ANKRD61: variants seen among roughly 807,000 people sequenced by gnomAD.
ANKRD61 encodes ankyrin repeat domain 61.
Under a neutral mutation model 8.4 loss-of-function variants are expected in ANKRD61, and 7 were observed. The ratio of observed to expected loss-of-function variants is 0.84; its 90% CI spans 0.48 to 1.57. ANKRD61 has a LOEUF of 1.57. ANKRD61 is among the 40% of genes most tolerant of loss of function. The pLI is 0.00. For synonymous variants in ANKRD61, 198 were observed against 208.0 expected (o/e 0.95, Z 0.41); for missense variants, 516 against 523.4 (o/e 0.99, Z 0.14).
In ANKRD61 at chr7:6,031,441, T is replaced by C; in HGVS notation, c.66T>C (p.Asp22=). The C allele has an allele frequency of 1.3e-6, 2 of 1,550,782 alleles. No homozygotes were observed. Among genetic ancestry groups the C allele is most frequent in the South Asian group, 1.2e-5 (1 of 84,062 alleles). Residue 22 remains aspartate, a synonymous_variant, in exon 1 of 3, where the codon GAT becomes GAC. Transcript: ENST00000409061. ...LVVDSAKSLE[D]GPSAALHSKL... ...TTGACAGTGCCAAGTCCCTGGAAGA[T>C]GGCCCATCTGCAGCACTTCACTCGA...
At position 6,033,712 on chromosome 7, in the gene ANKRD61, G is replaced by A. The variant is rs1473325988; in HGVS notation, c.314+776G>A. ...AGCCTCCCAAGTAGCTGGGACTACA[G>A]GCGCCTGCCACCACGCCTGGCTAAT... On this transcript the variant is annotated intron_variant, in intron 2 of 2. Coordinates refer to ENST00000409061, the MANE Select transcript of ANKRD61 (RefSeq NM_001271700.2). The surrounding 1 kb of genome is among the most constrained non-coding windows in gnomAD (Gnocchi z 4.4). Among the ~76,000 whole-genome samples the A allele has an allele frequency of 2.0e-5, 3 of 152,090 alleles. No individual in the cohort carries two copies. Among genetic ancestry groups the A allele is most frequent in the Non-Finnish European group, 4.4e-5 (3 of 68,018 alleles).
intron 1 of ANKRD61, 78 bp downstream of exon 1, chr7:6,031,669 C>T: frequency 7.1e-7 from 1 of 1,414,596 alleles, no homozygotes; most frequent in Non-Finnish European, 9.7e-7. Flanking sequence ...AGCTGGTGAA[C>T]CCACTAAGCT....
Position 6,033,459 on chromosome 7 carries a change from T to C in ANKRD61, c.314+523T>C, listed in dbSNP as rs1787975052. ...AAATATTTTGCCAAATTAATGCACA[T>C]TCTGAGGATTAAGAGCTCAATGGTG... On this transcript the variant is annotated intron_variant, in intron 2 of 2. Transcript: ENST00000409061. The surrounding 1 kb of genome is among the most constrained non-coding windows in gnomAD (Gnocchi z 4.4). 6.6e-6 allele frequency among the ~76,000 whole-genome samples: 1 copy of C among 152,192 alleles called. No homozygotes were observed. The highest frequency in any genetic ancestry group is 2.4e-5 in the African/African-American group (1 of 41,440).
rs930844129 is a variant in ANKRD61 at position 6,033,550 on chromosome 7, T to C, written c.314+614T>C. 1.6e-4 allele frequency among the ~76,000 whole-genome samples: 24 copies of C among 152,108 alleles called. No individual in the cohort carries two copies. The highest frequency in any genetic ancestry group is 5.8e-4 in the African/African-American group (24 of 41,420). ...AATAAGTTTAACCACCAAAGTTAGG[T>C]GTGAAAAATAAAATATAGGTAGACA... On this transcript the variant is annotated intron_variant, in intron 2 of 2. Coordinates refer to ENST00000409061, the MANE Select transcript of ANKRD61 (RefSeq NM_001271700.2). This position sits in a 1 kb window ranked among gnomAD's most constrained non-coding sequence, Gnocchi z 4.4.
In ANKRD61 at chr7:6,036,030, G is replaced by C; in HGVS notation, c.901G>C (p.Glu301Gln). The change falls in exon 3 of 3, where the codon GAA (glutamate) becomes CAA (glutamine). Residue 301 changes from glutamate to glutamine, a missense_variant. Transcript: ENST00000409061. The surrounding 1 kb of genome is among the most constrained non-coding windows in gnomAD (Gnocchi z 4.6). ...AATCATCAATCTCCTGCTTGAATTTGAAGCAAATGTTAACATTTTAACAAG... is the reference window on the plus strand; with the variant it reads ...AATCATCAATCTCCTGCTTGAATTTCAAGCAAATGTTAACATTTTAACAAG... ...EAIINLLLEFEANVNILTRNG... is the reference protein window; with the variant it reads ...EAIINLLLEFQANVNILTRNG... 2.6e-6 allele frequency: 4 copies of C among 1,551,074 alleles called. No homozygotes were observed. The highest frequency in any genetic ancestry group is 3.5e-6 in the Non-Finnish European group (4 of 1,147,136).
At chr7:6,034,286 G>A (rs1041343565) in intron 2 of ANKRD61, among the ~76,000 whole-genome samples, 6 of 151,936 alleles carry the variant, frequency 3.9e-5, no homozygotes, top group South Asian at 2.1e-4. Flanking sequence ...CAGCCTGGGC[G>A]ACAGAGCAAG....
rs1425759693 is a variant in ANKRD61, at chr7:6,033,876, G to C, written c.314+940G>C. Among the ~76,000 whole-genome samples the C allele has an allele frequency of 6.6e-6, 1 of 151,978 alleles. No individual in the cohort carries two copies. The highest frequency in any genetic ancestry group is 2.1e-4 in the South Asian group (1 of 4,818). On this transcript the variant is annotated intron_variant, in intron 2 of 2. Coordinates refer to ENST00000409061, the MANE Select transcript of ANKRD61 (RefSeq NM_001271700.2). This position sits in a 1 kb window ranked among gnomAD's most constrained non-coding sequence, Gnocchi z 4.4. ...GAGCCGCCGTGCCTGGCCGACAATG[G>C]ATTTTCTTGTTTATTACTCTCCACT...
In ANKRD61 at chr7:6,031,537, C is replaced by T; in HGVS notation, c.162C>T (p.Asn54=). The change falls in exon 1 of 3, where the codon AAC becomes AAT. Residue 54 remains asparagine, a synonymous_variant. Transcript: ENST00000409061. ...IEVLLRNHPV[N]QPITILPNSA... Reference sequence around the variant, plus strand: ...TACTCCTGAGAAATCACCCTGTCAACCAGCCCATCACCATTCTGCCCAACT... The same window carrying T: ...TACTCCTGAGAAATCACCCTGTCAATCAGCCCATCACCATTCTGCCCAACT... 3.2e-6 allele frequency: 5 copies of T among 1,550,802 alleles called. No homozygotes were observed. The highest frequency in any genetic ancestry group is 4.4e-6 in the Non-Finnish European group (5 of 1,147,008).
chr7:6,032,823 T>A lies in ANKRD61; in HGVS notation c.217-16T>A. 1 of 1,546,138 alleles carries A rather than the reference T, an allele frequency of 6.5e-7. No homozygotes were observed. Among genetic ancestry groups the A allele is most frequent in the Non-Finnish European group, 8.8e-7 (1 of 1,142,828 alleles). On this transcript the variant is annotated splice_polypyrimidine_tract_variant and intron_variant, in intron 1 of 2. Coordinates refer to ENST00000409061, the MANE Select transcript of ANKRD61 (RefSeq NM_001271700.2). The surrounding 1 kb of genome is among the most constrained non-coding windows in gnomAD (Gnocchi z 4.3). Reference sequence around the variant, plus strand: ...ACACAGGGCCACTTGTAATGTGTTTTGTTTTCCCTCCAAAGCCGACAGAGT... The same window carrying A: ...ACACAGGGCCACTTGTAATGTGTTTAGTTTTCCCTCCAAAGCCGACAGAGT...
chr7:6,031,484 A>G lies in ANKRD61; in HGVS notation c.109A>G (p.Met37Val), dbSNP rs12334093. The G allele has an allele frequency of 0.099, 153,820 of 1,550,670 alleles. 8,632 individuals carry two copies. Among genetic ancestry groups the G allele is most frequent in the African/African-American group, 0.23 (16,964 of 73,106 alleles). ...TCACTCGAAACTCTATGAAGCCATC[A>G]TGAGAGAAGACTGCACTACGATCGA... ...ALHSKLYEAI[M>V]REDCTTIEVL... is the part of the protein sequence containing the mutation. The change falls in exon 1 of 3, where the codon ATG (methionine) becomes GTG (valine). Residue 37 changes from methionine (M) to valine (V), a missense_variant. Met to Val is a conservative substitution (Grantham distance 21). Transcript: ENST00000409061.
rs1583479003 is a variant in ANKRD61 at position 6,031,736 on chromosome 7, C to G, written c.216+145C>G. The G allele has an allele frequency of 1.0e-5, 8 of 788,680 alleles. No homozygotes were observed. The East Asian group carries it at 1.9e-4, about 18-fold the overall frequency. The allele number at this position is 788,680 out of a possible 1,614,324, so 48.9% of individuals were successfully genotyped here. A position where few individuals can be genotyped will look rare whatever the true frequency, so the allele number is the denominator to read the frequency against. ...AGCTCACTCCACACACACTGCAGTG[C>G]TCCCCAAAGCCTGCAAAGCCTCCCC... On this transcript the variant is annotated intron_variant, in intron 1 of 2. Coordinates refer to ENST00000409061, the MANE Select transcript of ANKRD61 (RefSeq NM_001271700.2).
Position 6,031,518 on chromosome 7 carries a change from T to C in ANKRD61, c.143T>C (p.Leu48Pro), listed in dbSNP as rs1170391160. The C allele has an allele frequency of 1.9e-6, 3 of 1,550,514 alleles. No individual in the cohort carries two copies. The Admixed American group carries it at 5.9e-5, about 30-fold the overall frequency. Reference sequence around the variant, plus strand: ...GACTGCACTACGATCGAGGTACTCCTGAGAAATCACCCTGTCAACCAGCCC... The same window carrying C: ...GACTGCACTACGATCGAGGTACTCCCGAGAAATCACCCTGTCAACCAGCCC... The part of the protein sequence containing the change: ...REDCTTIEVL[L>P]RNHPVNQPIT... Residue 48 changes from leucine to proline, a missense_variant, in exon 1 of 3, where the codon CTG becomes CCG. Physicochemically the swap from Leu to Pro is moderately conservative, Grantham distance 98. Coordinates refer to ENST00000409061, the MANE Select transcript of ANKRD61 (RefSeq NM_001271700.2).
In ANKRD61 at chr7:6,035,051, A is replaced by G. The variant is rs1453268000; in HGVS notation, c.315-393A>G. 1.3e-5 allele frequency among the ~76,000 whole-genome samples: 2 copies of G among 152,222 alleles called. No individual in the cohort carries two copies. The highest frequency in any genetic ancestry group is 4.8e-5 in the African/African-American group (2 of 41,468). On this transcript the variant is annotated intron_variant, in intron 2 of 2. Coordinates refer to ENST00000409061, the MANE Select transcript of ANKRD61 (RefSeq NM_001271700.2). This position sits in a 1 kb window ranked among gnomAD's most constrained non-coding sequence, Gnocchi z 5.5. ...CAGAAAGCCAGTAACCCAGCCCAGC[A>G]CTGTGTGAGGTGCCAGACTGCAGAA...
Position 6,036,207 on chromosome 7 carries a change from C to A in ANKRD61, c.1078C>A (p.Arg360Ser). ...TGCAGGAATCATGCTACCAGAATTCCGCCTCTTAAGGGACACCCTAATAAA... is the reference window on the plus strand; with the variant it reads ...TGCAGGAATCATGCTACCAGAATTCAGCCTCTTAAGGGACACCCTAATAAA... ...LPAGIMLPEF[R>S]LLRDTLIKQS... The change falls in exon 3 of 3, where the codon CGC becomes AGC. Residue 360 changes from arginine (R) to serine (S), a missense_variant. Arg to Ser is a moderately radical substitution (Grantham distance 110, BLOSUM62 -1). Coordinates refer to ENST00000409061, the MANE Select transcript of ANKRD61 (RefSeq NM_001271700.2). The surrounding 1 kb of genome is among the most constrained non-coding windows in gnomAD (Gnocchi z 4.6). The A allele has an allele frequency of 3.2e-6, 5 of 1,549,694 alleles. No individual in the cohort carries two copies. The highest frequency in any genetic ancestry group is 4.4e-6 in the Non-Finnish European group (5 of 1,146,606).
intron 1 of ANKRD61, among the ~76,000 whole-genome samples, chr7:6,031,981 C>T (rs1787924669): frequency 6.6e-6 from 1 of 152,166 alleles, no homozygotes; most frequent in African/African-American, 2.4e-5. Flanking sequence ...CGAGACCAGC[C>T]TGGCCAGCAG....
chr7:6,031,611 G>C lies in ANKRD61; in HGVS notation c.216+20G>C, dbSNP rs758547206. 22 of 1,549,322 alleles carry C rather than the reference G, an allele frequency of 1.4e-5. No homozygotes were observed. The highest frequency in any genetic ancestry group is 1.9e-5 in the Non-Finnish European group (22 of 1,145,850). ...ACCCAGGTACCCTCTTTTCTGCTCA[G>C]TCACTTCTGGAAAAAAGTCAGGCTG... is the stretch of plus-strand genomic sequence containing the variant. On this transcript the variant is annotated intron_variant, in intron 1 of 2. Transcript: ENST00000409061.
In ANKRD61 at chr7:6,035,983, C is replaced by A. The variant is rs1005105930; in HGVS notation, c.854C>A (p.Ala285Glu). 10 of 1,550,628 alleles carry A rather than the reference C, an allele frequency of 6.4e-6. No homozygotes were observed. The African/African-American group carries it at 1.4e-4, about 21-fold the overall frequency. The change falls in exon 3 of 3, where the codon GCA becomes GAA. Residue 285 changes from alanine (A) to glutamate (E), a missense_variant. Coordinates refer to ENST00000409061, the MANE Select transcript of ANKRD61 (RefSeq NM_001271700.2). This position sits in a 1 kb window ranked among gnomAD's most constrained non-coding sequence, Gnocchi z 5.5. The part of the protein sequence containing the change: ...DYKGQTAIHE[A>E]CFGGREAIIN... ...AAGGGCCAAACAGCCATCCATGAGG[C>A]ATGCTTTGGAGGCAGAGAGGCAATC...
At position 6,033,992 on chromosome 7, in the gene ANKRD61, G is replaced by C. The variant is rs906207782; in HGVS notation, c.314+1056G>C. 9.9e-5 allele frequency among the ~76,000 whole-genome samples: 15 copies of C among 151,952 alleles called. No individual in the cohort carries two copies. The highest frequency in any genetic ancestry group is 3.4e-3 in the Middle Eastern group (1 of 294). ...AATCAATGCCTGACACTTAGCACGTGCTCAGTAATACTATCCGAGTGAATG... is the reference window on the plus strand; with the variant it reads ...AATCAATGCCTGACACTTAGCACGTCCTCAGTAATACTATCCGAGTGAATG... On this transcript the variant is annotated intron_variant, in intron 2 of 2. Coordinates refer to ENST00000409061, the MANE Select transcript of ANKRD61 (RefSeq NM_001271700.2). The surrounding 1 kb of genome is among the most constrained non-coding windows in gnomAD (Gnocchi z 4.4).
rs1189660179 is a variant in ANKRD61, at chr7:6,035,717, T to C, written c.588T>C (p.Ala196=). 5.8e-6 allele frequency: 9 copies of C among 1,550,844 alleles called. No individual in the cohort carries two copies. Among genetic ancestry groups the C allele is most frequent in the East Asian group, 4.9e-5 (2 of 40,934 alleles). ...CCCAAAATGGTGCCGATGTCAATGC[T>C]ATTAATGAAGCCAGCATGACACCCC... ...ILTQNGADVN[A]INEASMTPLH... Residue 196 remains alanine, a synonymous_variant, in exon 3 of 3, where the codon GCT becomes GCC. Coordinates refer to ENST00000409061, the MANE Select transcript of ANKRD61 (RefSeq NM_001271700.2). The surrounding 1 kb of genome is among the most constrained non-coding windows in gnomAD (Gnocchi z 5.5).
Sources: allele counts gnomAD v4.1 joint callset (sites outside exome capture counted in the v4.1 genomes callset), GRCh38; gene constraint gnomAD v4.1.1; non-coding constraint Gnocchi (gnomAD v3.1); transcripts MANE v1.5; gene names NCBI Gene and HGNC (gene_info 2026-07-23, HGNC 2026-07-21).